Variants in ZNF84 observed in about 807,000 individuals in gnomAD.
ZNF84 encodes zinc finger protein 84.
In ZNF84, 12 loss-of-function variants were observed where a neutral mutation model predicts 14.8. The ratio of observed to expected loss-of-function variants is 0.81; its 90% CI spans 0.52 to 1.31. The LOEUF is 1.31. Ranked by LOEUF, ZNF84 falls within the 50% of genes most tolerant of loss-of-function variation. ZNF84 has a pLI of 0.00. For synonymous variants in ZNF84, 347 were observed against 291.1 expected (o/e 1.19, Z -1.96); for missense variants, 859 against 878.6 (o/e 0.98, Z 0.28).
Position 133,046,850 on chromosome 12 carries a change from A to T in ZNF84, c.16-1105A>T. Among the ~76,000 whole-genome samples, 2 of 143,058 alleles carry T rather than the reference A, an allele frequency of 1.4e-5. 1 individual carries two copies. Among genetic ancestry groups the T allele is most frequent in the East Asian group, 3.9e-4 (2 of 5,106 alleles). 93.9% of individuals were successfully genotyped at this position (143,058 alleles called of 152,430 possible). A position where few individuals can be genotyped will look rare whatever the true frequency, so the allele number is the denominator to read the frequency against. On this transcript the variant is annotated intron_variant, in intron 2 of 4. Coordinates refer to ENST00000539354, the MANE Select transcript of ZNF84 (RefSeq NM_001289971.2). ...CTAATATTTATATATATTTTATATTATATATATATGATATTTATATTATAT... is the reference window on the plus strand; with the variant it reads ...CTAATATTTATATATATTTTATATTTTATATATATGATATTTATATTATAT...
chr12:133,050,598 T>G, intron 4 of ZNF84: 2 of 398,630 alleles, frequency 5.0e-6, no homozygotes, highest in Non-Finnish European at 8.8e-6. Flanking sequence ...TCAGTTCCAT[T>G]TAAACATTTC....
intron 2 of ZNF84, among the ~76,000 whole-genome samples, chr12:133,042,007 T>G (rs1953896868): frequency 6.6e-6 from 1 of 152,204 alleles, no homozygotes; most frequent in Non-Finnish European, 1.5e-5. Flanking sequence ...TGGTAAGTTT[T>G]AAATTGCTTC....
Position 133,060,688 on chromosome 12 carries a change from C to T in ZNF84, c.*1756C>T, listed in dbSNP as rs1268295187. Reference sequence around the variant, plus strand: ...GTCAGGAACTATCTGTATAAGGAAACAAGATTTCCATTTTATCATTTGAAA... The same window carrying T: ...GTCAGGAACTATCTGTATAAGGAAATAAGATTTCCATTTTATCATTTGAAA... On this transcript the variant is annotated 3_prime_UTR_variant, in exon 5 of 5. Transcript: ENST00000539354. The T allele has an allele frequency of 1.3e-5, 2 of 152,160 alleles. No homozygotes were observed. The highest frequency in any genetic ancestry group is 4.8e-5 in the African/African-American group (2 of 41,444). 9.4% of individuals were successfully genotyped at this position (152,160 alleles called of 1,614,324 possible).
chr12:133,057,894 T>C lies in ZNF84; in HGVS notation c.1179T>C (p.His393=). 2 of 1,613,504 alleles carry C rather than the reference T, an allele frequency of 1.2e-6. No individual in the cohort carries two copies. The highest frequency in any genetic ancestry group is 1.7e-6 in the Non-Finnish European group (2 of 1,179,580). Reference sequence around the variant, plus strand: ...TTGAGAAGTCAGAGCTTATTAGACATCAGACAATTCATACTGGAGAGAAAC... The same window carrying C: ...TTGAGAAGTCAGAGCTTATTAGACACCAGACAATTCATACTGGAGAGAAAC... ...AFFEKSELIR[H]QTIHTGEKPY... Residue 393 remains histidine (H), a synonymous_variant, in exon 5 of 5, where the codon CAT becomes CAC. Transcript: ENST00000539354.
Position 133,063,270 on chromosome 12 carries a change from A to G in ZNF84, c.*4338A>G. ...TGAATTCTTCTGTGAGATACTCCAA[A>G]TATCCTAATAAATTCTCATGTTTGC... On this transcript the variant is annotated 3_prime_UTR_variant, in exon 5 of 5. Transcript: ENST00000539354. The G allele has an allele frequency of 4.3e-6, 3 of 702,016 alleles. No homozygotes were observed. In the East Asian group the frequency reaches 8.0e-5, roughly 19 times the overall value. 43.5% of individuals were successfully genotyped at this position (702,016 alleles called of 1,614,324 possible).
rs1593719331 is a variant in ZNF84, at chr12:133,061,620, C to G, written c.*2688C>G. On this transcript the variant is annotated 3_prime_UTR_variant, in exon 5 of 5. Transcript: ENST00000539354. ...CTTTCCATCTATCACCATTCTCTTT[C>G]CAATCCCAGAGATTGATTTATTAGG... 2 of 152,140 alleles carry G rather than the reference C, an allele frequency of 1.3e-5. No homozygotes were observed. The highest frequency in any genetic ancestry group is 1.3e-4 in the Admixed American group (2 of 15,272). The allele number at this position is 152,140 out of a possible 1,614,324, so 9.4% of individuals were successfully genotyped here.
chr12:133,058,244 C>T lies in ZNF84; in HGVS notation c.1529C>T (p.Thr510Ile). ...LSLTNHQRIH[T>I]GEKPYVCSEC... is the part of the protein sequence containing the mutation. ...CTCACTAATCATCAAAGAATTCATA[C>T]AGGAGAAAAACCATATGTATGCAGT... Residue 510 changes from threonine (T) to isoleucine (I), a missense_variant, in exon 5 of 5, where the codon ACA (threonine) becomes ATA (isoleucine). Coordinates refer to ENST00000539354, the MANE Select transcript of ZNF84 (RefSeq NM_001289971.2). 6.2e-7 allele frequency: 1 copy of T among 1,613,976 alleles called. No individual in the cohort carries two copies. The highest frequency in any genetic ancestry group is 1.1e-5 in the South Asian group (1 of 91,072).
Position 133,057,763 on chromosome 12 carries a change from A to G in ZNF84, c.1048A>G (p.Arg350Gly). 1 of 1,614,156 alleles carries G rather than the reference A, an allele frequency of 6.2e-7. No homozygotes were observed. Among genetic ancestry groups the G allele is most frequent in the Non-Finnish European group, 8.5e-7 (1 of 1,180,032 alleles). ...TACCGGTGAGAAGCCTTTTGAATGC[A>G]GGGAATGTGGGAAAGCCTTCAGCAG... ...IHTGEKPFECRECGKAFSRKS... is the reference protein window; with the variant it reads ...IHTGEKPFECGECGKAFSRKS... The change falls in exon 5 of 5, where the codon AGG (arginine) becomes GGG (glycine). Residue 350 changes from arginine to glycine, a missense_variant. Arg to Gly is a moderately radical substitution (Grantham distance 125). Coordinates refer to ENST00000539354, the MANE Select transcript of ZNF84 (RefSeq NM_001289971.2).
rs1041592510 is a variant in ZNF84 at position 133,056,417 on chromosome 12, C to T, written c.239-537C>T. Among the ~76,000 whole-genome samples, 1,318 of 152,014 alleles carry T rather than the reference C, an allele frequency of 8.7e-3. 20 individuals carry two copies. Among genetic ancestry groups the T allele is most frequent in the African/African-American group, 0.03 (1,259 of 41,436 alleles). The stretch of plus-strand genomic sequence containing the variant: ...TACAGGCGCCCACCACCACACCCGG[C>T]TAATTTTTTGTATTTTTAGTAGAGA... On this transcript the variant is annotated intron_variant, in intron 4 of 4. Coordinates refer to ENST00000539354, the MANE Select transcript of ZNF84 (RefSeq NM_001289971.2).
chr12:133,055,114 C>A (rs1954131622), intron 4 of ZNF84, among the ~76,000 whole-genome samples: 1 of 152,080 alleles, frequency 6.6e-6, no homozygotes, highest in South Asian at 2.1e-4. Flanking sequence ...TATTCATATT[C>A]TTCATCCTAA....
intron 4 of ZNF84, among the ~76,000 whole-genome samples, chr12:133,055,722 A>G (rs1302554771): frequency 3.3e-5 from 5 of 152,240 alleles, no homozygotes; most frequent in Admixed American, 1.3e-4. Context: ...AAAAAGTTTG[A>G]TAAATTCAAC....
chr12:133,050,965 A>G (rs1450787905), intron 4 of ZNF84, among the ~76,000 whole-genome samples: 6 of 152,188 alleles, frequency 3.9e-5, no homozygotes, highest in African/African-American at 1.4e-4. Flanking sequence ...TCTGTTGCCC[A>G]GGTTGCATTG....
intron 1 of ZNF84, chr12:133,038,092 T>A (rs1167764817): frequency 2.0e-5 from 3 of 152,224 alleles, no homozygotes; most frequent in Non-Finnish European, 2.9e-5. Flanking sequence ...ATTATACATA[T>A]ATTCATTCAC....
chr12:133,039,784 A>G (rs1013854301), intron 1 of ZNF84, among the ~76,000 whole-genome samples: 98 of 152,334 alleles, frequency 6.4e-4, no homozygotes, highest in Middle Eastern at 3.4e-3. Context: ...GGAGGGGGGA[A>G]AAACAGTAAC....
intron 2 of ZNF84, among the ~76,000 whole-genome samples, chr12:133,044,920 A>G (rs952981390): frequency 2.0e-5 from 3 of 152,070 alleles, no homozygotes; most frequent in African/African-American, 7.2e-5. Flanking sequence ...TCTCAAAAAA[A>G]AAAAGAATAT....
chr12:133,048,611 C>A, intron 3 of ZNF84, 142 bp from the exon 4 acceptor site: 2 of 581,600 alleles, frequency 3.4e-6, no homozygotes, highest in South Asian at 2.0e-5. Flanking sequence ...CAAGGGAGAC[C>A]GTTACTGTAA....
chr12:133,056,767 C>T (rs1954166710), intron 4 of ZNF84, among the ~76,000 whole-genome samples, 187 bp from the exon 5 acceptor site: 1 of 152,110 alleles, frequency 6.6e-6, no homozygotes, highest in Admixed American at 6.5e-5. Flanking sequence ...CAGTCAGTTT[C>T]CTGTTTCTGT....
intron 4 of ZNF84, among the ~76,000 whole-genome samples, chr12:133,050,913 T>A (rs1019862973): frequency 6.6e-6 from 1 of 152,212 alleles, no homozygotes; most frequent in Non-Finnish European, 1.5e-5. Flanking sequence ...GATAAATTTC[T>A]TTCCAAAAGC....
At chr12:133,042,647 C>T (rs1261172147) in intron 2 of ZNF84, among the ~76,000 whole-genome samples, 1 of 152,140 alleles carries the variant, frequency 6.6e-6, no homozygotes, top group Non-Finnish European at 1.5e-5. Context: ...GGGTAATGTT[C>T]TCTAGAGAAA....
Sources: allele counts gnomAD v4.1 joint callset (sites outside exome capture counted in the v4.1 genomes callset), GRCh38; gene constraint gnomAD v4.1.1; transcripts MANE v1.5; gene names NCBI Gene and HGNC (gene_info 2026-07-23, HGNC 2026-07-21).